The following FLVCR2 variants were observed in gnomAD, a reference collection of about 807,000 sequenced individuals.
FLVCR2 encodes choline/ethanolamine transporter FLVCR2.
A neutral mutation model predicts 48.9 loss-of-function variants in FLVCR2; 38 were observed. The observed-to-expected ratio is 0.78, with a 90% CI of 0.60 to 1.02. FLVCR2 has a LOEUF of 1.02. Ranked by LOEUF, FLVCR2 falls within the 50% of genes least tolerant of loss-of-function variation. The pLI is 0.00. For synonymous variants in FLVCR2, 255 were observed against 257.0 expected, an observed-to-expected ratio of 0.99 and a Z score of 0.07; for missense variants, 664 against 663.3, an observed-to-expected ratio of 1.00 and a Z score of -0.01.
intron 1 of FLVCR2, among the ~76,000 whole-genome samples, chr14:75,616,108 A>G (rs1460413846): frequency 6.8e-6 from 1 of 147,882 alleles, no homozygotes; most frequent in African/African-American, 2.5e-5. Context: ...GGAAGCTGAG[A>G]TGGGAAGACC....
chr14:75,627,847 A>G (rs143371670), intron 3 of FLVCR2, among the ~76,000 whole-genome samples: 1 of 152,376 alleles, frequency 6.6e-6, no homozygotes, highest in African/African-American at 2.4e-5. Context: ...GTTCTTTGCC[A>G]AAAAGAAAAT....
At chr14:75,583,068 A>G (rs1888651829) in intron 1 of FLVCR2, among the ~76,000 whole-genome samples, 1 of 152,232 alleles carries the variant, frequency 6.6e-6, no homozygotes, top group Non-Finnish European at 1.5e-5. Flanking sequence ...GCTGAGGCTG[A>G]TGGGCATCAG....
At chr14:75,590,661 G>T (rs1888858117) in intron 1 of FLVCR2, among the ~76,000 whole-genome samples, 2 of 152,144 alleles carry the variant, frequency 1.3e-5, no homozygotes, top group African/African-American at 4.8e-5. Context: ...AGATATGGTT[G>T]TTTAAAGAGT....
At chr14:75,589,433 T>G (rs1888831289) in intron 1 of FLVCR2, among the ~76,000 whole-genome samples, 1 of 152,208 alleles carries the variant, frequency 6.6e-6, no homozygotes, top group Non-Finnish European at 1.5e-5. Flanking sequence ...AAGGGCACAC[T>G]GGGGAAGGGA....
chr14:75,593,643 T>A (rs1348042094), intron 1 of FLVCR2, among the ~76,000 whole-genome samples: 1 of 152,070 alleles, frequency 6.6e-6, no homozygotes, highest in Non-Finnish European at 1.5e-5. Flanking sequence ...ACCACCCCAT[T>A]GGGGATAAAA....
chr14:75,594,445 G>A (rs1459147327), intron 1 of FLVCR2, among the ~76,000 whole-genome samples: 1 of 152,136 alleles, frequency 6.6e-6, no homozygotes, highest in Non-Finnish European at 1.5e-5. Context: ...ACTACTTCAT[G>A]GTATCAATTT....
At chr14:75,605,867 C>T in intron 1 of FLVCR2, 1 of 523,808 alleles carries the variant, frequency 1.9e-6, no homozygotes, top group South Asian at 2.2e-5. Flanking sequence ...TTCTTCTCTC[C>T]CCTGGAAACT....
rs773848595 is a variant in FLVCR2, at chr14:75,579,032, A to T, written c.60A>T (p.Ala20=). 4.3e-6 allele frequency: 7 copies of T among 1,613,482 alleles called. No homozygotes were observed. The highest frequency in any genetic ancestry group is 5.1e-6 in the Non-Finnish European group (6 of 1,179,838). ...ATGACACCCCTGTGCCGGAGTCCGC[A>T]CTCCAAGCGGACCCCAGCGTCTCGG... ...ESDDTPVPES[A]LQADPSVSVH... The change falls in exon 1 of 10, where the codon GCA becomes GCT. Residue 20 remains alanine (A), a synonymous_variant. Transcript: ENST00000238667.
chr14:75,587,459 A>C (rs1408745641), intron 1 of FLVCR2, among the ~76,000 whole-genome samples: 1 of 152,148 alleles, frequency 6.6e-6, no homozygotes, highest in African/African-American at 2.4e-5. Flanking sequence ...TTGCTGCTAG[A>C]GGGCTGATTC....
intron 1 of FLVCR2, among the ~76,000 whole-genome samples, chr14:75,586,278 T>G (rs1165248453): frequency 1.3e-5 from 2 of 151,628 alleles, no homozygotes; most frequent in Admixed American, 6.6e-5. Flanking sequence ...AAGTACATTC[T>G]CAAGGGTGGG....
intron 2 of FLVCR2, among the ~76,000 whole-genome samples, chr14:75,623,565 A>T (rs1381409935): frequency 1.3e-5 from 2 of 152,000 alleles, no homozygotes; most frequent in Admixed American, 1.3e-4. Flanking sequence ...ACCTCATTCA[A>T]CCGTTCTCAT....
At chr14:75,608,558 GA>G (rs1429665044) in intron 1 of FLVCR2, among the ~76,000 whole-genome samples, 5 of 152,178 alleles carry the variant, frequency 3.3e-5, no homozygotes, top group African/African-American at 1.2e-4. Flanking sequence ...CTGGGAGGGA[GA>G]AGTTTTATCC....
chr14:75,590,353 A>G (rs1002588320), intron 1 of FLVCR2, among the ~76,000 whole-genome samples: 1 of 152,238 alleles, frequency 6.6e-6, no homozygotes, highest in Admixed American at 6.5e-5. Flanking sequence ...CAATTTCAAC[A>G]TGAGTTTTCA....
At chr14:75,640,258 CAAAAA>C (rs11453901) in intron 6 of FLVCR2, among the ~76,000 whole-genome samples, 6 of 97,626 alleles carry the variant, frequency 6.1e-5, no homozygotes, top group African/African-American at 1.3e-4. Context: ...GACTCCGTCT[CAAAAA>C]AAAAAAAAAA....
intron 1 of FLVCR2, among the ~76,000 whole-genome samples, chr14:75,619,604 T>G (rs1468099988): frequency 6.6e-6 from 1 of 152,176 alleles, no homozygotes; most frequent in Non-Finnish European, 1.5e-5. Context: ...GAAAAAAATA[T>G]GTATTGAAAA....
intron 1 of FLVCR2, among the ~76,000 whole-genome samples, chr14:75,621,690 C>A (rs1889770820): frequency 6.6e-6 from 1 of 152,208 alleles, no homozygotes; most frequent in Non-Finnish European, 1.5e-5. Flanking sequence ...GGGCTCTCAG[C>A]TCTGGGTTAA....
At chr14:75,583,528 G>A (rs762356662) in intron 1 of FLVCR2, among the ~76,000 whole-genome samples, 6 of 152,210 alleles carry the variant, frequency 3.9e-5, no homozygotes, top group Admixed American at 6.5e-5. Flanking sequence ...GGGTTAAGGT[G>A]GGGGGATACG....
intron 1 of FLVCR2, among the ~76,000 whole-genome samples, chr14:75,612,260 C>T (rs532772505): frequency 6.6e-6 from 1 of 152,304 alleles, no homozygotes; most frequent in Non-Finnish European, 1.5e-5. Flanking sequence ...ATTTCAGTAG[C>T]TGCTGCTTCC....
chr14:75,631,529 T>A (rs1890037183), intron 3 of FLVCR2, among the ~76,000 whole-genome samples: 1 of 152,210 alleles, frequency 6.6e-6, no homozygotes. Flanking sequence ...TTTTTTTTGC[T>A]CCCAGTCCTT....
Sources: gnomAD v4.1 joint callset for allele counts (sites outside exome capture counted in the v4.1 genomes callset) on GRCh38, gnomAD v4.1.1 for gene constraint, MANE v1.5 for transcripts, NCBI Gene and HGNC (gene_info 2026-07-23, HGNC 2026-07-21) for gene names.